Variants in ABHD2 observed in about 807,000 individuals in gnomAD.
ABHD2 encodes abhydrolase domain containing 2, acylglycerol lipase.
A neutral mutation model predicts 48.1 loss-of-function variants in ABHD2; 20 were observed. The observed-to-expected ratio is 0.42, with a 90% CI of 0.29 to 0.60. The LOEUF (loss-of-function observed/expected upper bound fraction) is 0.60, where lower values mean the gene tolerates loss of function less well. ABHD2 is among the 20% of genes least tolerant of loss of function. The pLI, the probability that ABHD2 is intolerant of heterozygous loss-of-function variation, is 0.24. For synonymous variants in ABHD2, 209 were observed against 214.2 expected (o/e 0.98, Z 0.21); for missense variants, 405 against 550.9 (o/e 0.74, Z 2.65).
At chr15:89,134,927 CCTA>C (rs767837819) in intron 3 of ABHD2, among the ~76,000 whole-genome samples, 2 of 151,986 alleles carry the variant, frequency 1.3e-5, no homozygotes, top group Non-Finnish European at 2.9e-5. Flanking sequence ...ATTTGTAGAA[CCTA>C]CTTTTTCCTA....
intron 6 of ABHD2, among the ~76,000 whole-genome samples, chr15:89,180,872 C>T (rs140016486): frequency 1.2e-4 from 18 of 152,182 alleles, no homozygotes; most frequent in South Asian, 6.2e-4. Context: ...CAGTGGGAAA[C>T]GAGGCAGCTT....
the ABHD2 span, among the ~76,000 whole-genome samples, chr15:89,052,310 G>T: frequency 4.6e-5 from 7 of 152,186 alleles, no homozygotes; most frequent in Admixed American, 3.9e-4. Context: ...TGCATTTAAT[G>T]GCAAAACTAT....
chr15:89,050,268 G>A, the ABHD2 span, among the ~76,000 whole-genome samples: 1 of 152,122 alleles, frequency 6.6e-6, no homozygotes, highest in African/African-American at 2.4e-5. Context: ...TGGGGCGGGG[G>A]TCACTTAGAT....
chr15:89,115,025 C>G (rs1334521801), intron 2 of ABHD2, among the ~76,000 whole-genome samples: 1 of 152,178 alleles, frequency 6.6e-6, no homozygotes, highest in Non-Finnish European at 1.5e-5. Context: ...GTTTCTGAGT[C>G]CTCTCTGGAC....
chr15:89,053,767 G>A, the ABHD2 span, among the ~76,000 whole-genome samples: 2 of 152,202 alleles, frequency 1.3e-5, no homozygotes, highest in South Asian at 2.1e-4. Flanking sequence ...CTATGATGGC[G>A]CCCCTTGGAG....
Position 89,185,659 on chromosome 15 carries a change from G to C in ABHD2, c.815+143G>C. On this transcript the variant is annotated intron_variant, in intron 7 of 10. Coordinates refer to ENST00000352732, the MANE Select transcript of ABHD2 (RefSeq NM_152924.5). The surrounding 1 kb of genome is among the most constrained non-coding windows in gnomAD (Gnocchi z 5.9). ...TACAGACTCTCTGCTGCCTGCATTT[G>C]TGACTTGATTAGAAACAAACTTGTC... 1 of 768,802 alleles carries C rather than the reference G, an allele frequency of 1.3e-6. No homozygotes were observed. The highest frequency in any genetic ancestry group is 1.6e-5 in the South Asian group (1 of 62,286). The allele number at this position is 768,802 out of a possible 1,614,324, so 47.6% of individuals were successfully genotyped here. A position where few individuals can be genotyped will look rare whatever the true frequency, so the allele number is the denominator to read the frequency against.
In ABHD2 at chr15:89,197,493, G is replaced by C. The variant is rs540077904; in HGVS notation, c.*2070G>C. ...TGCTACTACTACCTTCATTTATCAA[G>C]ACTTTTTATGAGAATAGGTAAACCA... On this transcript the variant is annotated 3_prime_UTR_variant, in exon 11 of 11. Coordinates refer to ENST00000352732, the MANE Select transcript of ABHD2 (RefSeq NM_152924.5). The surrounding 1 kb of genome is among the most constrained non-coding windows in gnomAD (Gnocchi z 4.4). 3.3e-5 allele frequency: 5 copies of C among 152,528 alleles called. No individual in the cohort carries two copies. The highest frequency in any genetic ancestry group is 1.2e-4 in the African/African-American group (5 of 41,522). The allele number at this position is 152,528 out of a possible 1,614,324, so 9.4% of individuals were successfully genotyped here. A position where few individuals can be genotyped will look rare whatever the true frequency, so the allele number is the denominator to read the frequency against.
chr15:89,141,959 G>T (rs530072571), intron 3 of ABHD2, among the ~76,000 whole-genome samples: 11 of 152,270 alleles, frequency 7.2e-5, no homozygotes, highest in Admixed American at 6.5e-4. Context: ...AGATATGTTT[G>T]GTCTCATCAC....
At chr15:89,190,374 C>G (rs975684902) in intron 8 of ABHD2, among the ~76,000 whole-genome samples, 3 of 152,214 alleles carry the variant, frequency 2.0e-5, no homozygotes, top group Non-Finnish European at 4.4e-5. Context: ...GCCAGTTTAT[C>G]TCTATTGCTC....
intron 1 of ABHD2, among the ~76,000 whole-genome samples, chr15:89,107,328 A>G (rs1394435275): frequency 6.6e-6 from 1 of 152,220 alleles, no homozygotes; most frequent in African/African-American, 2.4e-5. Context: ...TTTTAGAAGA[A>G]TCAAGAAGAG....
chr15:89,089,151 C>A (rs1026197163), intron 1 of ABHD2, among the ~76,000 whole-genome samples: 1 of 152,262 alleles, frequency 6.6e-6, no homozygotes, highest in African/African-American at 2.4e-5. Flanking sequence ...TCCAGCAGCG[C>A]AGGAGGCTGC....
rs2051126534 is a variant in ABHD2, at chr15:89,182,263, C to A, written c.723-3161C>A. ...CCTTTTGGAGTCATCCTGGTTCTTT[C>A]TGAAGTTTTGAAACCTACCCTCCTT... is the stretch of plus-strand genomic sequence containing the variant. On this transcript the variant is annotated intron_variant, in intron 6 of 10. Transcript: ENST00000352732. This position sits in a 1 kb window ranked among gnomAD's most constrained non-coding sequence, Gnocchi z 4.8. Among the ~76,000 whole-genome samples, 1 of 152,150 alleles carries A rather than the reference C, an allele frequency of 6.6e-6. No homozygotes were observed. Among genetic ancestry groups the A allele is most frequent in the Non-Finnish European group, 1.5e-5 (1 of 68,032 alleles).
chr15:89,047,147 G>C, the ABHD2 span, among the ~76,000 whole-genome samples: 2 of 151,786 alleles, frequency 1.3e-5, no homozygotes, highest in Non-Finnish European at 2.9e-5. Context: ...CCTTCATTTC[G>C]TTATGTACCC....
At chr15:89,083,484 G>A (rs559960164), upstream of ABHD2, among the ~76,000 whole-genome samples, 260 of 152,296 alleles carry the variant, frequency 1.7e-3, 2 homozygotes, top group African/African-American at 6.0e-3. This position sits in a 1 kb window ranked among gnomAD's most constrained non-coding sequence, Gnocchi z 5.1. Flanking sequence ...GTGTGTGCGC[G>A]CGTGCACGTG....
chr15:89,101,081 A>G (rs984954784), intron 1 of ABHD2, among the ~76,000 whole-genome samples: 2 of 152,202 alleles, frequency 1.3e-5, no homozygotes, highest in Admixed American at 6.5e-5. Flanking sequence ...AATGTCAACA[A>G]TCAATGGGTA....
At chr15:89,191,897 G>C (rs1196815340) in intron 9 of ABHD2, among the ~76,000 whole-genome samples, 1 of 150,722 alleles carries the variant, frequency 6.6e-6, no homozygotes, top group Admixed American at 6.6e-5. Context: ...AAAATGCTGG[G>C]ATTACAGGCG....
rs2049637824 is a variant in ABHD2, at chr15:89,097,870, G to A, written c.-107+9307G>A. 6.6e-6 allele frequency among the ~76,000 whole-genome samples: 1 copy of A among 152,002 alleles called. No individual in the cohort carries two copies. ...GCTCCTTGTTTTAGTCACTTAACAT[G>A]GAATTATACATGTTAGCAAATTTCT... On this transcript the variant is annotated intron_variant, in intron 1 of 10. Coordinates refer to ENST00000352732, the MANE Select transcript of ABHD2 (RefSeq NM_152924.5). The surrounding 1 kb of genome is among the most constrained non-coding windows in gnomAD (Gnocchi z 4.2).
the ABHD2 span, among the ~76,000 whole-genome samples, chr15:89,081,848 C>G: frequency 6.6e-6 from 1 of 152,078 alleles, no homozygotes; most frequent in Admixed American, 6.5e-5. Context: ...AAGACTCTGT[C>G]TCAAAAAATT....
chr15:89,134,498 A>G (rs1264254650), intron 3 of ABHD2, among the ~76,000 whole-genome samples: 1 of 152,130 alleles, frequency 6.6e-6, no homozygotes. Context: ...ATGGTCCTGA[A>G]CATATACCAT....
Sources: allele counts gnomAD v4.1 joint callset (sites outside exome capture counted in the v4.1 genomes callset), GRCh38; gene constraint gnomAD v4.1.1; non-coding constraint Gnocchi (gnomAD v3.1); transcripts MANE v1.5; gene names NCBI Gene and HGNC (gene_info 2026-07-23, HGNC 2026-07-21).